Variants in FRMD4A observed in about 807,000 individuals in gnomAD.
FRMD4A encodes FERM domain-containing protein 4A.
In FRMD4A, 29 loss-of-function variants were observed where a neutral mutation model predicts 129.1. That is an observed-to-expected ratio of 0.22 (90% CI 0.17 to 0.31). The LOEUF is 0.31. Ranked by LOEUF, FRMD4A falls within the 10% of genes least tolerant of loss-of-function variation. FRMD4A has a pLI of 1.00. For synonymous variants in FRMD4A, 634 were observed against 571.6 expected, an observed-to-expected ratio of 1.11 and a Z score of -1.56; for missense variants, 1,272 against 1,375.8, an observed-to-expected ratio of 0.92 and a Z score of 1.19.
intron 2 of FRMD4A, among the ~76,000 whole-genome samples, chr10:14,206,003 G>A (rs772736346): frequency 1.1e-4 from 17 of 152,036 alleles, no homozygotes; most frequent in Admixed American, 7.9e-4. Flanking sequence ...TATTCTGGAG[G>A]GAGCGGATTC....
At chr10:13,831,896 C>T (rs1313129802) in intron 3 of FRMD4A, among the ~76,000 whole-genome samples, 2 of 152,106 alleles carry the variant, frequency 1.3e-5, no homozygotes, top group African/African-American at 4.8e-5. Context: ...GGGTGGACTC[C>T]TGCCTCTATC....
At chr10:14,111,762 G>A (rs1046793932) in intron 2 of FRMD4A, among the ~76,000 whole-genome samples, 3 of 151,872 alleles carry the variant, frequency 2.0e-5, no homozygotes, top group African/African-American at 7.3e-5. Flanking sequence ...TTTTTGAGTA[G>A]CATAAGAGGT....
chr10:13,957,250 C>A (rs540249539), intron 2 of FRMD4A, among the ~76,000 whole-genome samples: 68 of 152,248 alleles, frequency 4.5e-4, no homozygotes, highest in African/African-American at 1.6e-3. Context: ...CTGCATCTAA[C>A]CCTTCCTTTT....
chr10:14,060,114 C>G (rs544263572), intron 2 of FRMD4A, among the ~76,000 whole-genome samples: 1 of 152,124 alleles, frequency 6.6e-6, no homozygotes, highest in Non-Finnish European at 1.5e-5. Flanking sequence ...CTTTTGAGCC[C>G]GACGTTAAAT....
intron 2 of FRMD4A, among the ~76,000 whole-genome samples, chr10:14,086,497 A>G (rs1473380473): frequency 6.6e-6 from 1 of 152,202 alleles, no homozygotes; most frequent in Non-Finnish European, 1.5e-5. Context: ...ACATAGGATT[A>G]TTTCCCACTA....
At chr10:13,818,971 C>CA (rs2093588724) in intron 3 of FRMD4A, among the ~76,000 whole-genome samples, 1 of 151,896 alleles carries the variant, frequency 6.6e-6, no homozygotes. Flanking sequence ...ACTAAAAATA[C>CA]AAAAAAATTA....
intron 2 of FRMD4A, among the ~76,000 whole-genome samples, chr10:14,053,107 C>G (rs146836580): frequency 5.9e-4 from 90 of 152,274 alleles, no homozygotes; most frequent in African/African-American, 2.1e-3. Flanking sequence ...CGTGAGCAAA[C>G]GTTTTGAAGG....
chr10:14,308,900 T>C (rs1024286327), intron 2 of FRMD4A, among the ~76,000 whole-genome samples: 52 of 152,330 alleles, frequency 3.4e-4, no homozygotes, highest in Admixed American at 5.9e-4. Context: ...TCCTACAAGA[T>C]GCTGCTAATA....
chr10:13,851,070 C>T (rs564557594), intron 3 of FRMD4A, among the ~76,000 whole-genome samples: 7 of 152,196 alleles, frequency 4.6e-5, no homozygotes, highest in South Asian at 4.2e-4. Flanking sequence ...AAAAATTAGC[C>T]GGGCATGATG....
chr10:14,116,507 C>G (rs1489591643), intron 2 of FRMD4A, among the ~76,000 whole-genome samples: 1 of 152,106 alleles, frequency 6.6e-6, no homozygotes, highest in Non-Finnish European at 1.5e-5. Context: ...TGGGGTCCAC[C>G]AAGTTCTGAT....
intron 2 of FRMD4A, among the ~76,000 whole-genome samples, chr10:14,288,509 T>C (rs1414710597): frequency 2.0e-5 from 3 of 152,214 alleles, no homozygotes; most frequent in African/African-American, 7.2e-5. Context: ...CATTATGGAA[T>C]GGAAGAAGAG....
chr10:14,223,315 T>C (rs955786997), intron 2 of FRMD4A, among the ~76,000 whole-genome samples: 1 of 152,224 alleles, frequency 6.6e-6, no homozygotes, highest in Non-Finnish European at 1.5e-5. Flanking sequence ...GAGAAAATTC[T>C]TCCTTTCTTC....
At chr10:14,304,574 A>T (rs1245598548) in intron 2 of FRMD4A, among the ~76,000 whole-genome samples, 1 of 152,092 alleles carries the variant, frequency 6.6e-6, no homozygotes, top group Non-Finnish European at 1.5e-5. Context: ...AGGAGGTGCC[A>T]TTTCTCTCCT....
chr10:14,068,248 G>C (rs1458028542), intron 2 of FRMD4A, among the ~76,000 whole-genome samples: 5 of 152,206 alleles, frequency 3.3e-5, no homozygotes, highest in Non-Finnish European at 5.9e-5. Context: ...GGTATCAGTA[G>C]GTAGGAAGAG....
At chr10:13,811,474 A>C (rs1355937524) in intron 3 of FRMD4A, among the ~76,000 whole-genome samples, 1 of 150,468 alleles carries the variant, frequency 6.6e-6, no homozygotes, top group African/African-American at 2.4e-5. Context: ...TGGGAGGCTG[A>C]GGAAGGAGAA....
intron 5 of FRMD4A, among the ~76,000 whole-genome samples, chr10:13,783,420 G>A (rs901142624): frequency 4.0e-5 from 6 of 151,390 alleles, no homozygotes; most frequent in Admixed American, 6.6e-5. Context: ...ACAGGGTCTC[G>A]CTCTGTTGTC....
chr10:13,747,174 T>TCA (rs2091334246), intron 9 of FRMD4A, among the ~76,000 whole-genome samples: 2 of 84,316 alleles, frequency 2.4e-5, no homozygotes, highest in African/African-American at 9.5e-5. Flanking sequence ...TTTTTGAAAA[T>TCA]TAAAAAAAAA....
intron 2 of FRMD4A, among the ~76,000 whole-genome samples, chr10:14,062,684 C>T (rs1165932549): frequency 6.6e-6 from 1 of 152,220 alleles, no homozygotes; most frequent in Non-Finnish European, 1.5e-5. Context: ...CGACTTTCAA[C>T]TGTGAGGGAA....
At chr10:13,657,698 A>G (rs11258502) in intron 21 of FRMD4A, among the ~76,000 whole-genome samples, 176 bp from the exon 22 acceptor site, 20,673 of 151,942 alleles carry the variant, frequency 0.14, 2,904 homozygotes, top group African/African-American at 0.35. Flanking sequence ...GGAACTGCCC[A>G]TTGCGGGAGG....
Sources: gnomAD v4.1 joint callset for allele counts (sites outside exome capture counted in the v4.1 genomes callset) on GRCh38, gnomAD v4.1.1 for gene constraint, MANE v1.5 for transcripts, NCBI Gene and HGNC (gene_info 2026-07-23, HGNC 2026-07-21) for gene names.